MDGA2: variants seen among roughly 807,000 people sequenced by gnomAD.
MDGA2 encodes the protein MAM domain-containing glycosylphosphatidylinositol anchor protein 2.
MDGA2 carries 40 observed loss-of-function variants against 117.8 expected under a neutral mutation model. The observed-to-expected ratio is 0.34, with a 90% CI of 0.26 to 0.44. MDGA2 has a LOEUF of 0.44. Ranked by LOEUF, MDGA2 falls within the 20% of genes least tolerant of loss-of-function variation. The pLI is 1.00. For missense variants in MDGA2, 1,123 were observed against 1,250.6 expected (o/e 0.90, Z 1.54); for synonymous variants, 452 against 439.0 (o/e 1.03, Z -0.37).
chr14:46,924,149 A>G (rs10139605), intron 9 of MDGA2, among the ~76,000 whole-genome samples: 51,307 of 151,774 alleles, frequency 0.34, 10,252 homozygotes, highest in African/African-American at 0.52. Context: ...ATGATTATAT[A>G]TAAATCTTGG....
chr14:47,357,914 A>T (rs1420735818), intron 1 of MDGA2, among the ~76,000 whole-genome samples: 1 of 152,174 alleles, frequency 6.6e-6, no homozygotes, highest in African/African-American at 2.4e-5. Context: ...TTACAGACCA[A>T]TGACCTCCAG....
chr14:47,276,255 G>A (rs1439456720), intron 2 of MDGA2, among the ~76,000 whole-genome samples: 1 of 152,038 alleles, frequency 6.6e-6, no homozygotes, highest in Non-Finnish European at 1.5e-5. Context: ...GAGGTGAAAG[G>A]GAACCTCCTT....
At chr14:46,851,402 C>T (rs1881050810) in intron 15 of MDGA2, among the ~76,000 whole-genome samples, 1 of 151,716 alleles carries the variant, frequency 6.6e-6, no homozygotes, top group African/African-American at 2.4e-5. Flanking sequence ...TAATTTTTCC[C>T]AATGTAGCAA....
At chr14:47,579,121 G>A (rs1260005249) in intron 1 of MDGA2, among the ~76,000 whole-genome samples, 1 of 151,962 alleles carries the variant, frequency 6.6e-6, no homozygotes, top group Non-Finnish European at 1.5e-5. Context: ...TAAAAATATT[G>A]AAACATACTA....
At chr14:46,948,676 G>A (rs1009167732) in intron 9 of MDGA2, among the ~76,000 whole-genome samples, 11 of 151,822 alleles carry the variant, frequency 7.2e-5, no homozygotes, top group African/African-American at 1.9e-4. Context: ...CTCTCTCAAC[G>A]TTTCTCCTAA....
intron 10 of MDGA2, among the ~76,000 whole-genome samples, chr14:46,908,539 A>G (rs1048945068): frequency 6.6e-6 from 1 of 152,298 alleles, no homozygotes; most frequent in East Asian, 1.9e-4. Context: ...CTGGATTCTC[A>G]TAAGTTCTTA....
intron 6 of MDGA2, among the ~76,000 whole-genome samples, chr14:47,072,546 TA>T (rs1343662461): frequency 5.9e-5 from 9 of 152,168 alleles, no homozygotes; most frequent in Admixed American, 5.2e-4. Context: ...GAAACTATGA[TA>T]GTGATAGTTT....
rs533263085 is a variant in MDGA2, at chr14:47,343,086, T to C, written c.281-41536A>G. On this transcript the variant is annotated intron_variant, in intron 1 of 16. Transcript: ENST00000399232. ...ATCCCAAGGGATTCATACTTGAACA[T>C]GGAAGCCTCACCTTGAATAACCAGA... 500 of 1,271,644 alleles carry C rather than the reference T, an allele frequency of 3.9e-4. 9 individuals carry two copies. The South Asian group carries it at 6.1e-3, about 16-fold the overall frequency. The allele number at this position is 1,271,644 out of a possible 1,614,324, so 78.8% of individuals were successfully genotyped here. A position where few individuals can be genotyped will look rare whatever the true frequency, so the allele number is the denominator to read the frequency against.
intron 1 of MDGA2, among the ~76,000 whole-genome samples, chr14:47,620,980 C>T (rs1897039580): frequency 1.3e-5 from 2 of 152,158 alleles, no homozygotes; most frequent in Admixed American, 1.3e-4. Flanking sequence ...TTAGATCCAG[C>T]CATTTACCTG....
rs549591660 is a variant in MDGA2 at position 47,243,587 on chromosome 14, G to A, written c.421-25392C>T. Among the ~76,000 whole-genome samples the A allele has an allele frequency of 3.6e-4, 54 of 150,942 alleles. 1 individual carries two copies. Among genetic ancestry groups the A allele is most frequent in the South Asian group, 1.5e-3 (7 of 4,696 alleles). ...AGGAGGAACGAGCAACTCCAGACGC[G>A]CTACCTTAAGAGCTGTAACACTCAC... On this transcript the variant is annotated intron_variant, in intron 2 of 16. Coordinates refer to ENST00000399232, the MANE Select transcript of MDGA2 (RefSeq NM_001113498.3).
At chr14:47,214,106 T>A (rs552389162) in intron 3 of MDGA2, among the ~76,000 whole-genome samples, 1 of 152,054 alleles carries the variant, frequency 6.6e-6, no homozygotes, top group Admixed American at 6.6e-5. Context: ...CATGATTCAA[T>A]TACCTCCACC....
intron 1 of MDGA2, among the ~76,000 whole-genome samples, chr14:47,632,910 T>C (rs1337173752): frequency 6.6e-6 from 1 of 152,196 alleles, no homozygotes; most frequent in Non-Finnish European, 1.5e-5. Context: ...TTTCTTACAG[T>C]GTGAACCTGA....
At chr14:46,850,185 A>G (rs1881003364) in intron 15 of MDGA2, among the ~76,000 whole-genome samples, 1 of 151,880 alleles carries the variant, frequency 6.6e-6, no homozygotes, top group Admixed American at 6.6e-5. Flanking sequence ...CTGTATTAGA[A>G]TTGTACCTCA....
chr14:46,899,599 G>T (rs1477029103), intron 10 of MDGA2, among the ~76,000 whole-genome samples: 1 of 150,028 alleles, frequency 6.7e-6, no homozygotes, highest in African/African-American at 2.5e-5. Flanking sequence ...GATAAATAAT[G>T]ATAGAAAAAA....
At chr14:47,356,235 T>G (rs1890990844) in intron 1 of MDGA2, among the ~76,000 whole-genome samples, 1 of 152,196 alleles carries the variant, frequency 6.6e-6, no homozygotes, top group Non-Finnish European at 1.5e-5. Flanking sequence ...AAAAGGCTCA[T>G]ATAACTAAAA....
chr14:47,163,253 T>G (rs568027607), intron 3 of MDGA2, among the ~76,000 whole-genome samples: 17 of 152,296 alleles, frequency 1.1e-4, no homozygotes, highest in Middle Eastern at 6.8e-3. Flanking sequence ...TGCTATAGTC[T>G]TTCAGCCTCA....
intron 3 of MDGA2, among the ~76,000 whole-genome samples, chr14:47,210,076 T>C (rs1594724647): frequency 6.6e-6 from 1 of 152,166 alleles, no homozygotes; most frequent in Non-Finnish European, 1.5e-5. Flanking sequence ...TGCTGTTTGG[T>C]TTATAATTCT....
intron 1 of MDGA2, among the ~76,000 whole-genome samples, chr14:47,398,619 T>C (rs1268904360): frequency 6.6e-6 from 1 of 152,128 alleles, no homozygotes; most frequent in Non-Finnish European, 1.5e-5. Context: ...GTAAAGGATT[T>C]TTCTATGGAC....
chr14:47,468,751 T>A (rs187506209), intron 1 of MDGA2, among the ~76,000 whole-genome samples: 61 of 152,228 alleles, frequency 4.0e-4, no homozygotes, highest in African/African-American at 1.3e-3. Flanking sequence ...TTTAGTTAAA[T>A]TCGACACCTC....
Sources: gnomAD v4.1 joint callset for allele counts (sites outside exome capture counted in the v4.1 genomes callset) on GRCh38, gnomAD v4.1.1 for gene constraint, MANE v1.5 for transcripts, NCBI Gene and HGNC (gene_info 2026-07-23, HGNC 2026-07-21) for gene names.